The following GREM1 variants were observed in gnomAD, a reference collection of about 807,000 sequenced individuals.
The protein encoded by GREM1 is gremlin 1, DAN family BMP antagonist.
Under a neutral mutation model 13.1 loss-of-function variants are expected in GREM1, and 6 were observed. The observed-to-expected ratio is 0.46, with a 90% confidence interval of 0.25 to 0.91. GREM1 has a LOEUF of 0.91. GREM1 is among the 40% of genes least tolerant of loss of function. The probability of loss-of-function intolerance (pLI) is 0.18; values close to 1 mark genes in which losing one functional copy is unlikely to be tolerated. For synonymous variants in GREM1, 98 were observed against 93.7 expected, an observed-to-expected ratio of 1.05 and a Z score of -0.27; for missense variants, 185 against 233.9, an observed-to-expected ratio of 0.79 and a Z score of 1.36.
intron 1 of GREM1, among the ~76,000 whole-genome samples, chr15:32,720,039 A>G (rs1311571075): frequency 1.3e-5 from 2 of 151,938 alleles, no homozygotes; most frequent in South Asian, 2.1e-4. Context: ...AATATTAACT[A>G]TTTCAGGGAT....
intron 1 of GREM1, chr15:32,718,670 A>C: frequency 2.8e-6 from 1 of 360,972 alleles, no homozygotes; most frequent in Non-Finnish European, 5.4e-6. Context: ...GCATCCGGAG[A>C]ATCCATGATG....
At position 32,743,722 on chromosome 15, in the gene GREM1, A is replaced by G. The variant is rs2055781224; in HGVS notation, c.*12477A>G. 6.6e-6 allele frequency: 1 copy of G among 151,654 alleles called. No individual in the cohort carries two copies. The highest frequency in any genetic ancestry group is 6.6e-5 in the Admixed American group (1 of 15,228). 9.4% of individuals were successfully genotyped at this position (151,654 alleles called of 1,614,324 possible). A position where few individuals can be genotyped will look rare whatever the true frequency, so the allele number is the denominator to read the frequency against. ...ATGTGCTAGGCAAAGCCTCATGCAC[A>G]TTTCTCTGTAAGGAAACAAAGCTGG... On this transcript the variant is annotated 3_prime_UTR_variant, in exon 2 of 2. Coordinates refer to ENST00000651154, the MANE Select transcript of GREM1 (RefSeq NM_013372.7).
intron 1 of GREM1, among the ~76,000 whole-genome samples, chr15:32,727,003 G>C (rs1243419960): frequency 6.6e-6 from 1 of 152,168 alleles, no homozygotes; most frequent in Admixed American, 6.5e-5. Flanking sequence ...TTCTGAAATT[G>C]AGGCAGTAAT....
At chr15:32,727,703 C>T (rs1295027323) in intron 1 of GREM1, among the ~76,000 whole-genome samples, 1 of 152,192 alleles carries the variant, frequency 6.6e-6, no homozygotes, top group Non-Finnish European at 1.5e-5. Flanking sequence ...GTCAAATTGT[C>T]TCTGTTTGCA....
At position 32,722,614 on chromosome 15, in the gene GREM1, A is replaced by T. The variant is rs908990491; in HGVS notation, c.-2+4453A>T. Among the ~76,000 whole-genome samples the T allele has an allele frequency of 5.9e-5, 9 of 152,336 alleles. No individual in the cohort carries two copies. In the South Asian group the frequency reaches 8.3e-4, roughly 14 times the overall value. ...AGAGGCTTTGTGAAAATTGGAATAC[A>T]TTGCCATGACCTGCACAGGATAGAG... On this transcript the variant is annotated intron_variant, in intron 1 of 1. Transcript: ENST00000651154.
In GREM1 at chr15:32,734,532, G is replaced by A. The variant is rs2140700580; in HGVS notation, c.*3287G>A. On this transcript the variant is annotated 3_prime_UTR_variant, in exon 2 of 2. Transcript: ENST00000651154. ...TACCTTGCTGTGTAGGAGGATGAAAGGGGAGTTGATAGTCTCATAAAACTA... is the reference window on the plus strand; with the variant it reads ...TACCTTGCTGTGTAGGAGGATGAAAAGGGAGTTGATAGTCTCATAAAACTA... 4.0e-6 allele frequency: 1 copy of A among 247,302 alleles called. No individual in the cohort carries two copies. Among genetic ancestry groups the A allele is most frequent in the Non-Finnish European group, 8.5e-6 (1 of 117,634 alleles). The allele number at this position is 247,302 out of a possible 1,614,324, so 15.3% of individuals were successfully genotyped here.
At chr15:32,730,320 C>T (rs531803876) in intron 1 of GREM1, among the ~76,000 whole-genome samples, 2 of 152,320 alleles carry the variant, frequency 1.3e-5, no homozygotes, top group South Asian at 2.1e-4. Flanking sequence ...GAGGTTAATT[C>T]ATCTTGCTGT....
chr15:32,719,761 A>G, intron 1 of GREM1, among the ~76,000 whole-genome samples: 1 of 152,170 alleles, frequency 6.6e-6, no homozygotes, highest in East Asian at 1.9e-4. Context: ...CTGGCTGTAC[A>G]CACAAGTTAA....
intron 1 of GREM1, among the ~76,000 whole-genome samples, chr15:32,725,761 T>C (rs1262673144): frequency 6.6e-6 from 1 of 152,264 alleles, no homozygotes; most frequent in Non-Finnish European, 1.5e-5. Flanking sequence ...AGGATTTTTA[T>C]GGTTTTAGGT....
At chr15:32,729,327 A>G (rs2055570970) in intron 1 of GREM1, among the ~76,000 whole-genome samples, 1 of 151,958 alleles carries the variant, frequency 6.6e-6, no homozygotes, top group Non-Finnish European at 1.5e-5. Flanking sequence ...GCGCCCGGCC[A>G]ATTGTCTGCA....
chr15:32,741,484 T>G lies in GREM1; in HGVS notation c.*10239T>G, dbSNP rs1242280458. 1 of 151,982 alleles carries G rather than the reference T, an allele frequency of 6.6e-6. No homozygotes were observed. Among genetic ancestry groups the G allele is most frequent in the Non-Finnish European group, 1.5e-5 (1 of 67,974 alleles). 9.4% of individuals were successfully genotyped at this position (151,982 alleles called of 1,614,324 possible). On this transcript the variant is annotated 3_prime_UTR_variant, in exon 2 of 2. Transcript: ENST00000651154. ...CCTAATTTTTGTTTAAGATAGTTCA[T>G]CGTTGGTATAGAAATGCCATTGATT...
Position 32,738,083 on chromosome 15 carries a change from C to CAAAAAAA in GREM1, c.*6882_*6888dup, listed in dbSNP as rs67118209. ...GGAGGTTCTACCTAGGGTAATTAGGCAAAAAAAAAAAAAAAAAAAAAAAAA... is the reference window on the plus strand; with the variant it reads ...GGAGGTTCTACCTAGGGTAATTAGGCAAAAAAAAAAAAAAAAAAAAAAAAAAAAAAAA... On this transcript the variant is annotated 3_prime_UTR_variant, in exon 2 of 2. Transcript: ENST00000651154. 2.1e-4 allele frequency: 4 copies of CAAAAAAA among 18,930 alleles called. No individual in the cohort carries two copies. The highest frequency in any genetic ancestry group is 3.4e-4 in the Non-Finnish European group (4 of 11,650). 1.2% of individuals were successfully genotyped at this position (18,930 alleles called of 1,614,324 possible).
chr15:32,719,411 T>G, intron 1 of GREM1, among the ~76,000 whole-genome samples: 1 of 152,162 alleles, frequency 6.6e-6, no homozygotes, highest in East Asian at 1.9e-4. Context: ...GTGAAGAAAT[T>G]CCTGCGCGCC....
In GREM1 at chr15:32,731,456, G is replaced by A. The variant is rs1192711162; in HGVS notation, c.*211G>A. 3 of 605,560 alleles carry A rather than the reference G, an allele frequency of 5.0e-6. No individual in the cohort carries two copies. The highest frequency in any genetic ancestry group is 3.7e-5 in the African/African-American group (2 of 53,684). The allele number at this position is 605,560 out of a possible 1,614,324, so 37.5% of individuals were successfully genotyped here. On this transcript the variant is annotated 3_prime_UTR_variant, in exon 2 of 2. Transcript: ENST00000651154. ...AGACACCAGAGAAAACACAGTCTCT[G>A]CTAGAGAGCACTCCCTATTTTGTAA...
At position 32,738,083 on chromosome 15, in the gene GREM1, C is replaced by CAAAAAAAAAAAAAA. The variant is rs67118209; in HGVS notation, c.*6875_*6888dup. On this transcript the variant is annotated 3_prime_UTR_variant, in exon 2 of 2. Transcript: ENST00000651154. Reference sequence around the variant, plus strand: ...GGAGGTTCTACCTAGGGTAATTAGGCAAAAAAAAAAAAAAAAAAAAAAAAA... The same window carrying CAAAAAAAAAAAAAA: ...GGAGGTTCTACCTAGGGTAATTAGGCAAAAAAAAAAAAAAAAAAAAAAAAAAAAAAAAAAAAAAA... 1.1e-4 allele frequency: 2 copies of CAAAAAAAAAAAAAA among 18,928 alleles called. No homozygotes were observed. Among genetic ancestry groups the CAAAAAAAAAAAAAA allele is most frequent in the Non-Finnish European group, 1.7e-4 (2 of 11,648 alleles). The allele number at this position is 18,928 out of a possible 1,614,324, so 1.2% of individuals were successfully genotyped here.
chr15:32,722,168 A>G (rs1006898999), intron 1 of GREM1, among the ~76,000 whole-genome samples: 3 of 152,250 alleles, frequency 2.0e-5, no homozygotes, highest in Admixed American at 6.5e-5. Context: ...TTATCTTCTT[A>G]AAAGTTAAAG....
intron 1 of GREM1, chr15:32,718,601 G>C (rs892439264): frequency 2.6e-6 from 1 of 387,478 alleles, no homozygotes; most frequent in African/African-American, 2.1e-5. Flanking sequence ...CCATGTGCTT[G>C]GGGCGCCGCG....
chr15:32,731,587 C>T lies in GREM1; in HGVS notation c.*342C>T. 2 of 349,076 alleles carry T rather than the reference C, an allele frequency of 5.7e-6. No homozygotes were observed. Among genetic ancestry groups the T allele is most frequent in the Non-Finnish European group, 1.1e-5 (2 of 183,856 alleles). The allele number at this position is 349,076 out of a possible 1,614,324, so 21.6% of individuals were successfully genotyped here. A position where few individuals can be genotyped will look rare whatever the true frequency, so the allele number is the denominator to read the frequency against. On this transcript the variant is annotated 3_prime_UTR_variant, in exon 2 of 2. Coordinates refer to ENST00000651154, the MANE Select transcript of GREM1 (RefSeq NM_013372.7). ...TCTGACTTTGTGTTTTTGTGCCCTC[C>T]TGGGGACCAGAATCTCCTTTCGGAA...
chr15:32,719,774 A>C (rs1018150891), intron 1 of GREM1, among the ~76,000 whole-genome samples: 2 of 152,162 alleles, frequency 1.3e-5, no homozygotes, highest in African/African-American at 4.8e-5. Flanking sequence ...CAAGTTAAAT[A>C]AATAGCGTAG....
Sources: allele counts gnomAD v4.1 joint callset (sites outside exome capture counted in the v4.1 genomes callset), GRCh38; gene constraint gnomAD v4.1.1; transcripts MANE v1.5; gene names NCBI Gene and HGNC (gene_info 2026-07-23, HGNC 2026-07-21).